The following RNF135 variants were observed in gnomAD, a reference collection of about 807,000 sequenced individuals.
The protein encoded by RNF135 is E3 ubiquitin-protein ligase RNF135.
Under a neutral mutation model 41.9 loss-of-function variants are expected in RNF135, and 46 were observed. That is an observed-to-expected ratio of 1.10 (90% confidence interval 0.87 to 1.40). The LOEUF (loss-of-function observed/expected upper bound fraction) is 1.40. RNF135 is among the 40% of genes most tolerant of loss of function. The pLI, the probability that RNF135 is intolerant of heterozygous loss-of-function variation, is 0.00. For missense variants in RNF135, 539 were observed against 549.8 expected (o/e 0.98, Z 0.20); for synonymous variants, 238 against 223.8 (o/e 1.06, Z -0.57).
intron 3 of RNF135, among the ~76,000 whole-genome samples, chr17:30,996,063 C>T (rs555773235): frequency 6.6e-6 from 1 of 151,364 alleles, no homozygotes; most frequent in East Asian, 1.9e-4. Context: ...AGGCGTGAGC[C>T]ACCACGCCCA....
Position 30,999,231 on chromosome 17 carries a change from C to T in RNF135, c.*40C>T. On this transcript the variant is annotated 3_prime_UTR_variant, in exon 5 of 5. Coordinates refer to ENST00000328381, the MANE Select transcript of RNF135 (RefSeq NM_032322.4). ...TTACAACACAGTGGTTTCCTGGTCT[C>T]TCTCCCTGTCATCAATCAGGGTAGT... 6.3e-7 allele frequency: 1 copy of T among 1,596,024 alleles called. No individual in the cohort carries two copies. Among genetic ancestry groups the T allele is most frequent in the African/African-American group, 1.3e-5 (1 of 74,772 alleles).
the RNF135 span, chr17:30,965,147 TG>T: frequency 6.6e-6 from 1 of 152,022 alleles, no homozygotes; most frequent in African/African-American, 2.4e-5. Flanking sequence ...TCTGAGAGTT[TG>T]AGATCAGCCT....
intron 1 of RNF135, 59 bp downstream of exon 1, chr17:30,971,504 T>A: frequency 7.0e-7 from 1 of 1,425,630 alleles, no homozygotes; most frequent in Non-Finnish European, 9.1e-7. Flanking sequence ...CGCCTGACCC[T>A]TTCCCATGTG....
intron 3 of RNF135, among the ~76,000 whole-genome samples, chr17:30,992,921 G>T (rs913301824): frequency 2.0e-5 from 3 of 151,882 alleles, no homozygotes. Context: ...TCAGGTATAT[G>T]TGTGTGTTTG....
At chr17:30,980,638 T>C (rs1425823328) in intron 1 of RNF135, among the ~76,000 whole-genome samples, 2 of 134,094 alleles carry the variant, frequency 1.5e-5, no homozygotes, top group East Asian at 4.9e-4. Flanking sequence ...GTTTCCTCAC[T>C]TCTCAGACGG....
At chr17:30,978,291 T>G (rs1310371375) in intron 1 of RNF135, among the ~76,000 whole-genome samples, 1 of 152,218 alleles carries the variant, frequency 6.6e-6, no homozygotes, top group East Asian at 1.9e-4. Context: ...ATTTGGGAAG[T>G]TCCATGCTAT....
upstream of RNF135, chr17:30,968,826 G>C (rs1013167250): frequency 1.3e-5 from 2 of 152,146 alleles, no homozygotes; most frequent in Non-Finnish European, 2.9e-5. Context: ...AGGAGAGCTG[G>C]TTCCAGGGAG....
upstream of RNF135, chr17:30,969,401 G>A (rs1380240624): frequency 1.3e-5 from 2 of 152,198 alleles, no homozygotes; most frequent in African/African-American, 4.8e-5. Context: ...ATCTCAGTAA[G>A]CTGAATACAT....
chr17:30,971,315 T>C lies in RNF135; in HGVS notation c.242T>C (p.Leu81Pro). 6 of 1,534,124 alleles carry C rather than the reference T, an allele frequency of 3.9e-6. No homozygotes were observed. The highest frequency in any genetic ancestry group is 5.2e-6 in the Non-Finnish European group (6 of 1,143,636). Residue 81 changes from leucine to proline, a missense_variant, in exon 1 of 5, where the codon CTG becomes CCG. Transcript: ENST00000328381. ...HLRKNTLLQD[L>P]ADKYRRAARE... ...CGGAAGAACACGCTACTGCAGGACC[T>C]GGCCGACAAGTACCGCCGCGCCGCA... is the stretch of plus-strand genomic sequence containing the variant.
Position 30,998,745 on chromosome 17 carries a change from C to T in RNF135, c.853C>T (p.His285Tyr). 6.2e-7 allele frequency: 1 copy of T among 1,613,336 alleles called. No individual in the cohort carries two copies. The highest frequency in any genetic ancestry group is 8.5e-7 in the Non-Finnish European group (1 of 1,179,782). The change falls in exon 5 of 5, where the codon CAC (histidine) becomes TAC (tyrosine). Residue 285 changes from histidine to tyrosine, a missense_variant. His to Tyr is a moderately conservative substitution (Grantham distance 83). Around this residue, in one of 2 missense-constraint regions of RNF135, gnomAD observed 262 missense variants for 336.9 expected, o/e 0.78. Transcript: ENST00000328381. ...SKDSRTVTVS[H>Y]RPQPYRWSCE... ...GGATTCCCGTACAGTGACTGTGTCT[C>T]ACCGCCCACAACCCTATCGCTGGAG...
At chr17:30,960,241 A>G in the RNF135 span, among the ~76,000 whole-genome samples, 1 of 150,854 alleles carries the variant, frequency 6.6e-6, no homozygotes, top group Non-Finnish European at 1.5e-5. Flanking sequence ...AAAATACAAA[A>G]ATTAGCTGAC....
intron 3 of RNF135, among the ~76,000 whole-genome samples, chr17:30,988,644 T>C (rs1015907033): frequency 2.0e-5 from 3 of 151,698 alleles, no homozygotes; most frequent in Non-Finnish European, 4.4e-5. Context: ...ACGAGGATGG[T>C]CTCAATCTCC....
At chr17:30,985,009 A>G (rs1907487793) in intron 2 of RNF135, among the ~76,000 whole-genome samples, 1 of 152,154 alleles carries the variant, frequency 6.6e-6, no homozygotes, top group South Asian at 2.1e-4. Context: ...CTCTGTGTAT[A>G]ACGTTCTGGT....
At chr17:30,988,309 A>C (rs1001543387) in intron 3 of RNF135, among the ~76,000 whole-genome samples, 14 of 152,148 alleles carry the variant, frequency 9.2e-5, no homozygotes, top group Middle Eastern at 6.8e-3. Flanking sequence ...GTGATGTATC[A>C]CAAGTCCTTA....
At chr17:30,974,694 T>A (rs1014526393) in intron 1 of RNF135, among the ~76,000 whole-genome samples, 8 of 151,546 alleles carry the variant, frequency 5.3e-5, no homozygotes, top group African/African-American at 1.9e-4. Context: ...TATTATTTTT[T>A]TTTGAGACAG....
chr17:30,983,477 C>G (rs1907366577), intron 1 of RNF135, among the ~76,000 whole-genome samples: 2 of 149,716 alleles, frequency 1.3e-5, no homozygotes, highest in Non-Finnish European at 3.0e-5. Flanking sequence ...CTTCAGCCTC[C>G]CAAGTAGCTG....
chr17:30,985,852 C>T (rs572202376), intron 2 of RNF135, among the ~76,000 whole-genome samples: 1 of 152,316 alleles, frequency 6.6e-6, no homozygotes, highest in Admixed American at 6.5e-5. Flanking sequence ...TCTGCTCATG[C>T]TGCCTGGCTC....
chr17:30,970,816 T>C (rs1905828926), upstream of RNF135: 2 of 559,406 alleles, frequency 3.6e-6, no homozygotes, highest in African/African-American at 2.0e-5. Context: ...CGCGGGTTTC[T>C]AGCAGCTCGC....
At chr17:30,967,166 CT>C (rs1244949652), upstream of RNF135, among the ~76,000 whole-genome samples, 2 of 152,196 alleles carry the variant, frequency 1.3e-5, no homozygotes, top group East Asian at 3.9e-4. Context: ...TCTGGAGTAG[CT>C]GGGACCTCAG....
Sources: gnomAD v4.1 joint callset for allele counts (sites outside exome capture counted in the v4.1 genomes callset) on GRCh38, gnomAD v4.1.1 for gene constraint, gnomAD v4.1.1 regional missense constraint, MANE v1.5 for transcripts, NCBI Gene and HGNC (gene_info 2026-07-23, HGNC 2026-07-21) for gene names.